Variants in RHEB observed in about 807,000 individuals in gnomAD.
RHEB encodes the protein GTP-binding protein Rheb.
A neutral mutation model predicts 28.8 loss-of-function variants in RHEB; 2 were observed. The observed-to-expected ratio is 0.07, with a 90% confidence interval of 0.03 to 0.22. RHEB has a LOEUF of 0.22. Ranked by LOEUF, RHEB falls within the 10% of genes least tolerant of loss-of-function variation. The probability of loss-of-function intolerance (pLI) is 1.00; values close to 1 mark genes in which losing one functional copy is unlikely to be tolerated. For missense variants in RHEB, 76 were observed against 219.9 expected (o/e 0.35, Z 4.14); for synonymous variants, 69 against 77.3 (o/e 0.89, Z 0.56).
At chr7:151,515,535 A>T (rs538253291) in intron 1 of RHEB, among the ~76,000 whole-genome samples, 1 of 152,372 alleles carries the variant, frequency 6.6e-6, no homozygotes, top group Non-Finnish European at 1.5e-5. Context: ...GTTTCAATAC[A>T]AAGTGGGCAC....
At chr7:151,476,451 G>T (rs1352035334) in intron 4 of RHEB, among the ~76,000 whole-genome samples, 1 of 152,244 alleles carries the variant, frequency 6.6e-6, no homozygotes, top group Non-Finnish European at 1.5e-5. Context: ...AGCCTTGACT[G>T]TGGAACTGGA....
chr7:151,513,177 G>T (rs1803021375), intron 1 of RHEB, among the ~76,000 whole-genome samples: 1 of 152,300 alleles, frequency 6.6e-6, no homozygotes, highest in African/African-American at 2.4e-5. Flanking sequence ...GAAGTATGAT[G>T]GTTGTTTCCA....
intron 1 of RHEB, among the ~76,000 whole-genome samples, chr7:151,505,043 G>GA (rs138363700): frequency 0.13 from 14,713 of 112,600 alleles, 910 homozygotes; most frequent in Non-Finnish European, 0.17. Flanking sequence ...TCTAGAATAT[G>GA]AAAAAAAAAA....
At chr7:151,486,175 GA>G (rs750187839) in intron 2 of RHEB, among the ~76,000 whole-genome samples, 4 of 152,342 alleles carry the variant, frequency 2.6e-5, no homozygotes, top group Admixed American at 2.0e-4. Flanking sequence ...ACGTGAGATT[GA>G]AGTGTATTTC....
intron 4 of RHEB, among the ~76,000 whole-genome samples, chr7:151,475,062 C>T (rs565145418): frequency 3.3e-5 from 5 of 152,296 alleles, no homozygotes; most frequent in African/African-American, 9.6e-5. Context: ...TCAAAACTTG[C>T]AACAGTGCCA....
intron 1 of RHEB, among the ~76,000 whole-genome samples, chr7:151,494,799 C>A (rs7781388): frequency 0.067 from 10,221 of 152,250 alleles, 1,106 homozygotes; most frequent in African/African-American, 0.23. Flanking sequence ...AATTATTTAA[C>A]TAATCCAGAA....
chr7:151,503,556 G>A, intron 1 of RHEB: 1 of 579,686 alleles, frequency 1.7e-6, no homozygotes, highest in Non-Finnish European at 3.1e-6. Context: ...CCTTACAACT[G>A]AAACACTTCC....
chr7:151,501,822 G>T, intron 1 of RHEB: 1 of 435,796 alleles, frequency 2.3e-6, no homozygotes, highest in South Asian at 2.2e-5. Context: ...AAGAGCCGGT[G>T]TCCTACCAGC....
At chr7:151,503,475 G>C in intron 1 of RHEB, 1 of 1,059,866 alleles carries the variant, frequency 9.4e-7, no homozygotes, top group Non-Finnish European at 1.5e-6. Flanking sequence ...CATGAGTCTG[G>C]CAAAACGTGC....
intron 7 of RHEB, 32 bp from the exon 8 acceptor site, chr7:151,467,243 T>C: frequency 6.7e-7 from 1 of 1,486,772 alleles, no homozygotes; most frequent in Non-Finnish European, 9.4e-7. Flanking sequence ...ATCACAGTGT[T>C]AGTGTGAAGC....
At chr7:151,516,425 C>A (rs1187164509) in intron 1 of RHEB, among the ~76,000 whole-genome samples, 2 of 151,856 alleles carry the variant, frequency 1.3e-5, no homozygotes. Flanking sequence ...GAGTTCAAGA[C>A]CATCCTGGCC....
chr7:151,486,080 T>C (rs1206092113), intron 2 of RHEB, among the ~76,000 whole-genome samples: 4 of 152,242 alleles, frequency 2.6e-5, no homozygotes, highest in Non-Finnish European at 5.9e-5. Flanking sequence ...CTCTCTGAAC[T>C]TGGGATGCAT....
intron 1 of RHEB, chr7:151,502,827 C>G: frequency 1.7e-6 from 2 of 1,206,992 alleles, no homozygotes; most frequent in African/African-American, 1.5e-5. Flanking sequence ...GTGAATGTGG[C>G]TGGTCTAGTT....
intron 1 of RHEB, among the ~76,000 whole-genome samples, chr7:151,497,641 C>T (rs1338028804): frequency 6.6e-6 from 1 of 152,196 alleles, no homozygotes; most frequent in East Asian, 1.9e-4. Flanking sequence ...CTCTATTCAC[C>T]CAGTGTCCCA....
chr7:151,473,048 G>A (rs1036504490), intron 4 of RHEB, among the ~76,000 whole-genome samples: 6 of 152,198 alleles, frequency 3.9e-5, no homozygotes, highest in Non-Finnish European at 7.4e-5. Context: ...GCTTGGAGCC[G>A]GCTCCCAGAT....
intron 1 of RHEB, among the ~76,000 whole-genome samples, chr7:151,495,821 T>C (rs931800031): frequency 6.6e-6 from 1 of 152,158 alleles, no homozygotes; most frequent in South Asian, 2.1e-4. Flanking sequence ...AGTGTGGTGA[T>C]GTGTGCATAT....
chr7:151,489,792 T>G (rs995273253), intron 2 of RHEB, among the ~76,000 whole-genome samples: 4 of 152,244 alleles, frequency 2.6e-5, no homozygotes, highest in Non-Finnish European at 4.4e-5. Flanking sequence ...CTTTGGACTT[T>G]TATATATTAT....
rs545617685 is a variant in RHEB at position 151,517,240 on chromosome 7, C to T, written c.52+2220G>A. Among the ~76,000 whole-genome samples the T allele has an allele frequency of 3.9e-5, 6 of 152,052 alleles. No individual in the cohort carries two copies. In the South Asian group the frequency reaches 1.3e-3, roughly 32 times the overall value. The stretch of plus-strand genomic sequence containing the variant: ...AAAATTAGCCGGGCATAGTGGTGCA[C>T]GCCTGTAGTGCCAGCTACTCTGGAG... On this transcript the variant is annotated intron_variant, in intron 1 of 7. Coordinates refer to ENST00000262187, the MANE Select transcript of RHEB (RefSeq NM_005614.4).
Position 151,484,559 on chromosome 7 carries a change from C to T in RHEB, c.192+178G>A, listed in dbSNP as rs118181023. On this transcript the variant is annotated intron_variant, in intron 3 of 7. Transcript: ENST00000262187. Reference sequence around the variant, plus strand: ...GTATCAAATACCTCAATAGACCCATCGTAAAGATGAGAAATTGTTAAGTCG... The same window carrying T: ...GTATCAAATACCTCAATAGACCCATTGTAAAGATGAGAAATTGTTAAGTCG... Among the ~76,000 whole-genome samples, 32 of 152,206 alleles carry T rather than the reference C, an allele frequency of 2.1e-4. No homozygotes were observed. In the East Asian group the frequency reaches 2.3e-3, roughly 11 times the overall value.
Sources: allele counts gnomAD v4.1 joint callset (sites outside exome capture counted in the v4.1 genomes callset), GRCh38; gene constraint gnomAD v4.1.1; transcripts MANE v1.5; gene names NCBI Gene and HGNC (gene_info 2026-07-23, HGNC 2026-07-21).